The following STXBP4 variants were observed in gnomAD, a reference collection of about 807,000 sequenced individuals.
The protein encoded by STXBP4 is syntaxin binding protein 4.
In STXBP4, 55 loss-of-function variants were observed where a neutral mutation model predicts 76.1. That is an observed-to-expected ratio of 0.72 (90% CI 0.58 to 0.91). STXBP4 has a LOEUF of 0.91. Among genes scored for constraint, STXBP4 ranks in the 40% least tolerant of loss-of-function variants. STXBP4 has a pLI of 0.00. For synonymous variants in STXBP4, 201 were observed against 220.2 expected (o/e 0.91, Z 0.77); for missense variants, 618 against 636.9 (o/e 0.97, Z 0.32).
In STXBP4 at chr17:55,173,394, C is replaced by T. The variant is rs926587775; in HGVS notation, c.*13483C>T. On this transcript the variant is annotated 3_prime_UTR_variant, in exon 18 of 18. Transcript: ENST00000376352. ...CTCCGTAACTGTAGTTTTGCCTTTTCGAGAATATCATATAAATAATCATGT... is the reference window on the plus strand; with the variant it reads ...CTCCGTAACTGTAGTTTTGCCTTTTTGAGAATATCATATAAATAATCATGT... 17 of 152,228 alleles carry T rather than the reference C, an allele frequency of 1.1e-4. No homozygotes were observed. Among genetic ancestry groups the T allele is most frequent in the African/African-American group, 2.6e-4 (11 of 41,534 alleles). The allele number at this position is 152,228 out of a possible 1,614,324, so 9.4% of individuals were successfully genotyped here.
intron 16 of STXBP4, among the ~76,000 whole-genome samples, chr17:55,123,111 A>G (rs1291243453): frequency 6.6e-6 from 1 of 152,178 alleles, no homozygotes; most frequent in Admixed American, 6.5e-5. Context: ...CTCAAATTTT[A>G]ATCTCAAAAC....
At chr17:55,049,668 T>TA (rs1376891040) in intron 12 of STXBP4, among the ~76,000 whole-genome samples, 1 of 151,692 alleles carries the variant, frequency 6.6e-6, no homozygotes, top group Admixed American at 6.6e-5. Context: ...AATGAGTAAA[T>TA]ATACACAATA....
At chr17:55,019,781 T>C (rs1266801458) in intron 8 of STXBP4, among the ~76,000 whole-genome samples, 3 of 152,192 alleles carry the variant, frequency 2.0e-5, no homozygotes, top group Non-Finnish European at 4.4e-5. Context: ...GAGAATTTTA[T>C]TGGGCATATA....
chr17:55,059,534 T>C (rs2078970542), intron 12 of STXBP4, among the ~76,000 whole-genome samples: 1 of 152,096 alleles, frequency 6.6e-6, no homozygotes, highest in African/African-American at 2.4e-5. Context: ...AAAAATTTGG[T>C]TCCTCAGTCA....
At chr17:55,113,178 T>C (rs2079741329) in intron 16 of STXBP4, among the ~76,000 whole-genome samples, 2 of 151,598 alleles carry the variant, frequency 1.3e-5, no homozygotes, top group Non-Finnish European at 2.9e-5. Context: ...ATATTGTATA[T>C]TGAAAATTTG....
At chr17:55,125,500 A>AAAAAT (rs1459281293) in intron 16 of STXBP4, among the ~76,000 whole-genome samples, 10 of 149,178 alleles carry the variant, frequency 6.7e-5, no homozygotes, top group African/African-American at 2.5e-4. Flanking sequence ...AAAAAAAAAA[A>AAAAAT]TACAATTGAA....
At chr17:55,065,325 G>A (rs950042107) in intron 12 of STXBP4, among the ~76,000 whole-genome samples, 4 of 152,042 alleles carry the variant, frequency 2.6e-5, no homozygotes, top group South Asian at 4.2e-4. Context: ...GTTATGTCTC[G>A]CTTTGAATTT....
At chr17:55,073,175 C>G in intron 13 of STXBP4, 99 bp downstream of exon 13, 1 of 1,083,238 alleles carries the variant, frequency 9.2e-7, no homozygotes, top group Non-Finnish European at 1.4e-6. Context: ...TAAACTAGGT[C>G]AGTGTTTGTC....
intron 8 of STXBP4, among the ~76,000 whole-genome samples, chr17:55,020,122 T>C (rs978152203): frequency 2.6e-5 from 4 of 152,182 alleles, no homozygotes; most frequent in African/African-American, 9.6e-5. Flanking sequence ...TTCTCTTTAT[T>C]ATCTGTTACC....
At chr17:55,090,855 C>CTG (rs57750914) in intron 16 of STXBP4, among the ~76,000 whole-genome samples, 187 of 147,410 alleles carry the variant, frequency 1.3e-3, no homozygotes, top group African/African-American at 1.6e-3. Flanking sequence ...GTGTGTGTGT[C>CTG]TGTGTGTGTG....
rs1459097759 is a variant in STXBP4 at position 55,047,144 on chromosome 17, A to G, written c.1001A>G (p.Asn334Ser). 2.5e-6 allele frequency: 4 copies of G among 1,600,712 alleles called. No homozygotes were observed. Among genetic ancestry groups the G allele is most frequent in the Non-Finnish European group, 3.4e-6 (4 of 1,169,366 alleles). ...QRKQLTEELQ[N>S]VKQEAKAVVE... ...AAACAATTGACAGAAGAGCTCCAGA[A>G]TGTGAAACAAGTAAGTATATGTATT... The change falls in exon 12 of 18, where the codon AAT becomes AGT. Residue 334 changes from asparagine to serine, a missense_variant. Physicochemically the swap from Asn to Ser is conservative, Grantham distance 46. Transcript: ENST00000376352.
intron 16 of STXBP4, among the ~76,000 whole-genome samples, chr17:55,093,132 T>C (rs1182076695): frequency 6.6e-6 from 1 of 152,022 alleles, no homozygotes; most frequent in Non-Finnish European, 1.5e-5. Flanking sequence ...GTAGCTGGGA[T>C]TACAGGTGTA....
chr17:55,057,332 T>C (rs751803617), intron 12 of STXBP4, among the ~76,000 whole-genome samples: 1 of 152,216 alleles, frequency 6.6e-6, no homozygotes, highest in Non-Finnish European at 1.5e-5. Flanking sequence ...TCCTCCTTTT[T>C]TCTTTTAACA....
intron 16 of STXBP4, among the ~76,000 whole-genome samples, chr17:55,095,413 C>G (rs940251906): frequency 3.3e-5 from 5 of 152,156 alleles, no homozygotes; most frequent in African/African-American, 1.2e-4. Flanking sequence ...ATCTCCTCTT[C>G]CAAACTGAAT....
intron 4 of STXBP4, among the ~76,000 whole-genome samples, chr17:54,998,666 G>C (rs2077854511): frequency 6.6e-6 from 1 of 152,120 alleles, no homozygotes. Flanking sequence ...AAAAGATTAT[G>C]CTGAAATATG....
rs965343667 is a variant in STXBP4, at chr17:55,169,721, T to C, written c.*9810T>C. On this transcript the variant is annotated 3_prime_UTR_variant, in exon 18 of 18. Coordinates refer to ENST00000376352, the MANE Select transcript of STXBP4 (RefSeq NM_178509.6). Reference sequence around the variant, plus strand: ...CAAGTGAAATGGGCTTTCTGAAAAATTATTTCAATCAAAATTGTGTTAAAA... The same window carrying C: ...CAAGTGAAATGGGCTTTCTGAAAAACTATTTCAATCAAAATTGTGTTAAAA... The C allele has an allele frequency of 6.6e-6, 1 of 152,152 alleles. No individual in the cohort carries two copies. Among genetic ancestry groups the C allele is most frequent in the Non-Finnish European group, 1.5e-5 (1 of 68,040 alleles). The allele number at this position is 152,152 out of a possible 1,614,324, so 9.4% of individuals were successfully genotyped here. A position where few individuals can be genotyped will look rare whatever the true frequency, so the allele number is the denominator to read the frequency against.
intron 1 of STXBP4, among the ~76,000 whole-genome samples, chr17:54,980,229 G>A (rs2077531082): frequency 6.6e-6 from 1 of 151,984 alleles, no homozygotes; most frequent in South Asian, 2.1e-4. Flanking sequence ...TTTTCTAGAA[G>A]ATGAAACACT....
At chr17:55,193,842 A>C in the STXBP4 span, among the ~76,000 whole-genome samples, 1 of 147,782 alleles carries the variant, frequency 6.8e-6, no homozygotes, top group South Asian at 2.1e-4. Context: ...AAACGTAATT[A>C]ATTCCTACAG....
chr17:55,072,330 A>C (rs144646513), intron 12 of STXBP4, among the ~76,000 whole-genome samples: 61 of 152,292 alleles, frequency 4.0e-4, no homozygotes, highest in Non-Finnish European at 4.9e-4. Flanking sequence ...GTGTTTAATA[A>C]ATGTCTTGTG....
Sources: gnomAD v4.1 joint callset for allele counts (sites outside exome capture counted in the v4.1 genomes callset) on GRCh38, gnomAD v4.1.1 for gene constraint, MANE v1.5 for transcripts, NCBI Gene and HGNC (gene_info 2026-07-23, HGNC 2026-07-21) for gene names.